The following MAP4K4 variants were observed in gnomAD, a reference collection of about 807,000 sequenced individuals.
The protein encoded by MAP4K4 is mitogen-activated protein kinase kinase kinase kinase 4.
Under a neutral mutation model 189.6 loss-of-function variants are expected in MAP4K4, and 38 were observed. That is an observed-to-expected ratio of 0.20 (90% CI 0.15 to 0.26). The LOEUF (loss-of-function observed/expected upper bound fraction) is 0.26. Ranked by LOEUF, MAP4K4 falls within the 10% of genes least tolerant of loss-of-function variation. The pLI, the probability that MAP4K4 is intolerant of heterozygous loss-of-function variation, is 1.00. For missense variants in MAP4K4, 1,054 were observed against 1,726.9 expected (o/e 0.61, Z 6.91); for synonymous variants, 610 against 624.3 (o/e 0.98, Z 0.34).
intron 12 of MAP4K4, 113 bp from the exon 13 acceptor site, chr2:101,855,864 C>G: frequency 1.0e-6 from 1 of 996,764 alleles, no homozygotes; most frequent in Non-Finnish European, 1.4e-6. Context: ...GATATGGGGC[C>G]CATGAACCTC....
At chr2:101,773,604 T>C (rs961943271) in intron 2 of MAP4K4, among the ~76,000 whole-genome samples, 7 of 152,238 alleles carry the variant, frequency 4.6e-5, no homozygotes, top group Non-Finnish European at 1.0e-4. Context: ...AATCCAGTTA[T>C]ACTGTTTTAG....
intron 2 of MAP4K4, among the ~76,000 whole-genome samples, chr2:101,733,686 C>T (rs1168375456): frequency 6.6e-6 from 1 of 152,200 alleles, no homozygotes; most frequent in Non-Finnish European, 1.5e-5. Flanking sequence ...CCAGACAAAC[C>T]CATCAAGCCT....
At chr2:101,741,202 C>T (rs1248990467) in intron 2 of MAP4K4, among the ~76,000 whole-genome samples, 3 of 137,482 alleles carry the variant, frequency 2.2e-5, no homozygotes, top group Non-Finnish European at 3.0e-5. Context: ...GAGTCTCGCT[C>T]TGTTGCCCAG....
At chr2:101,892,906 C>A (rs1467169082) in exon 33 of MAP4K4, 4 of 456,388 alleles carry the variant, frequency 8.8e-6, no homozygotes, top group Non-Finnish European at 1.8e-5. Flanking sequence ...ATCTTACTTT[C>A]CTCTTGTCGA....
intron 2 of MAP4K4, among the ~76,000 whole-genome samples, chr2:101,701,269 T>C (rs2038524257): frequency 6.6e-6 from 1 of 152,144 alleles, no homozygotes; most frequent in Non-Finnish European, 1.5e-5. Flanking sequence ...AGATTTGATA[T>C]GTCGTATGAA....
At chr2:101,698,564 C>A (rs781338057) in intron 2 of MAP4K4, 26 bp downstream of exon 2, 2 of 1,608,100 alleles carry the variant, frequency 1.2e-6, no homozygotes, top group Non-Finnish European at 1.7e-6. Context: ...TTCTTTGTTT[C>A]CCGTGGCATG....
At chr2:101,739,425 A>G (rs1187930482) in intron 2 of MAP4K4, among the ~76,000 whole-genome samples, 1 of 151,870 alleles carries the variant, frequency 6.6e-6, no homozygotes, top group South Asian at 2.1e-4. Flanking sequence ...TAAAGCTTCT[A>G]TTTACTTTTC....
exon 7 of MAP4K4, chr2:101,831,751 G>T: frequency 6.2e-7 from 1 of 1,603,884 alleles, no homozygotes; most frequent in Non-Finnish European, 8.5e-7. Context: ...CAGCTGGACA[G>T]GACTGTGGGG....
chr2:101,732,798 A>G (rs2059026647), intron 2 of MAP4K4, among the ~76,000 whole-genome samples: 1 of 152,250 alleles, frequency 6.6e-6, no homozygotes, highest in African/African-American at 2.4e-5. Context: ...CATGTTGGAC[A>G]GGATGGTCTC....
chr2:101,853,537 C>T (rs1335259413), intron 12 of MAP4K4, among the ~76,000 whole-genome samples: 2 of 152,000 alleles, frequency 1.3e-5, no homozygotes, highest in Admixed American at 6.6e-5. Flanking sequence ...TCCAGGATGT[C>T]CAACTTCTAT....
intron 2 of MAP4K4, among the ~76,000 whole-genome samples, chr2:101,783,716 G>A (rs1288934440): frequency 6.6e-6 from 1 of 152,146 alleles, no homozygotes; most frequent in Non-Finnish European, 1.5e-5. Flanking sequence ...AAAAGTCAAC[G>A]AACAAATATC....
chr2:101,870,494 C>CTG lies in MAP4K4; in HGVS notation c.2760+81_2760+82dup, dbSNP rs1420083698. ...CCACTTGCTCATTCACTCACTCATG[C>CTG]TGTTTCTCCATCATCATCTGTTTTC... On this transcript the variant is annotated intron_variant, in intron 23 of 32. Coordinates refer to ENST00000324219, the Ensembl canonical transcript of MAP4K4. 6 of 1,558,810 alleles carry CTG rather than the reference C, an allele frequency of 3.8e-6. No individual in the cohort carries two copies. The African/African-American group carries it at 6.8e-5, about 18-fold the overall frequency.
At chr2:101,784,147 G>C (rs1317416065) in intron 2 of MAP4K4, among the ~76,000 whole-genome samples, 1 of 152,174 alleles carries the variant, frequency 6.6e-6, no homozygotes. Flanking sequence ...ATAGTGATGT[G>C]TCCTTCCTGA....
intron 2 of MAP4K4, among the ~76,000 whole-genome samples, chr2:101,778,147 G>A (rs553348564): frequency 2.6e-4 from 39 of 152,280 alleles, no homozygotes; most frequent in Non-Finnish European, 5.0e-4. Flanking sequence ...TGATGAAGGG[G>A]ACCTGTGGGT....
chr2:101,702,067 G>T (rs1027972564), intron 2 of MAP4K4, among the ~76,000 whole-genome samples: 1 of 152,052 alleles, frequency 6.6e-6, no homozygotes, highest in African/African-American at 2.4e-5. Context: ...CACCATGTTG[G>T]CTAGGCTGGT....
chr2:101,859,309 G>A (rs1019850677), intron 14 of MAP4K4, among the ~76,000 whole-genome samples: 6 of 152,174 alleles, frequency 3.9e-5, no homozygotes, highest in Non-Finnish European at 7.4e-5. Flanking sequence ...GACCAACAAG[G>A]TTTTGAACAG....
intron 4 of MAP4K4, among the ~76,000 whole-genome samples, chr2:101,824,685 T>C (rs1049738797): frequency 6.6e-6 from 1 of 152,178 alleles, no homozygotes; most frequent in Non-Finnish European, 1.5e-5. Context: ...CAGAAAACAT[T>C]TGCAAAATTA....
chr2:101,745,854 TC>T lies in MAP4K4; in HGVS notation c.124-44864del, dbSNP rs759795050. ...TTTGTTGCCTACTTTTTTTTTTTTT[TC>T]CTTTGAGTGAGTCTGCTACTGAGCT... is the stretch of plus-strand genomic sequence containing the variant. On this transcript the variant is annotated intron_variant, in intron 2 of 32. Coordinates refer to ENST00000324219, the Ensembl canonical transcript of MAP4K4. Among the ~76,000 whole-genome samples the T allele has an allele frequency of 7.2e-5, 11 of 151,926 alleles. No individual in the cohort carries two copies. The East Asian group carries it at 2.1e-3, about 29-fold the overall frequency.
intron 2 of MAP4K4, among the ~76,000 whole-genome samples, chr2:101,781,284 T>G (rs1359236631): frequency 2.0e-5 from 3 of 152,190 alleles, no homozygotes; most frequent in Non-Finnish European, 4.4e-5. Flanking sequence ...GTAATGCATC[T>G]TCACCAGATG....
Sources: allele counts gnomAD v4.1 joint callset (sites outside exome capture counted in the v4.1 genomes callset), GRCh38; gene constraint gnomAD v4.1.1; transcripts MANE v1.5; gene names NCBI Gene and HGNC (gene_info 2026-07-23, HGNC 2026-07-21).